Variants in TSC22D3 observed in about 807,000 individuals in gnomAD.
The protein encoded by TSC22D3 is TSC22 domain family protein 3.
TSC22D3 carries 4 observed loss-of-function variants against 11.1 expected under a neutral mutation model. The observed-to-expected ratio is 0.36, with a 90% CI of 0.18 to 0.83. The LOEUF is 0.83. TSC22D3 is among the 40% of genes least tolerant of loss of function. The probability of loss-of-function intolerance (pLI) is 0.48; values close to 1 mark genes in which losing one functional copy is unlikely to be tolerated. For synonymous variants in TSC22D3, 77 were observed against 70.3 expected, an observed-to-expected ratio of 1.10 and a Z score of -0.48; for missense variants, 118 against 159.4, an observed-to-expected ratio of 0.74 and a Z score of 1.40.
At chrX:107,722,874 G>T (rs1350805773) in intron 1 of TSC22D3, among the ~76,000 whole-genome samples, 1 of 111,892 alleles carries the variant, frequency 8.9e-6, no homozygotes, top group Non-Finnish European at 1.9e-5. Context: ...AAAGTTGTAT[G>T]CTTATTCAAA....
intron 1 of TSC22D3, among the ~76,000 whole-genome samples, chrX:107,765,376 T>C (rs1034087292): frequency 5.4e-5 from 6 of 112,047 alleles, no homozygotes; most frequent in African/African-American, 1.9e-4. Flanking sequence ...TGTTCCCCAC[T>C]GGCCTTGGGT....
chrX:107,749,606 A>G (rs1221157246), intron 1 of TSC22D3, among the ~76,000 whole-genome samples: 1 of 111,548 alleles, frequency 9.0e-6, no homozygotes, highest in African/African-American at 3.3e-5. Context: ...AAAATAGAAT[A>G]TCACATAGAA....
chrX:107,739,992 C>T (rs1230262997), intron 1 of TSC22D3, among the ~76,000 whole-genome samples: 1 of 112,426 alleles, frequency 8.9e-6, no homozygotes, highest in Non-Finnish European at 1.9e-5. Flanking sequence ...CTGCTTTGTG[C>T]AAAACGTGGC....
intron 1 of TSC22D3, among the ~76,000 whole-genome samples, chrX:107,737,771 T>C (rs1212828100): frequency 1.8e-5 from 2 of 112,031 alleles, no homozygotes; most frequent in African/African-American, 6.5e-5. Flanking sequence ...ACGTGTTTTG[T>C]GCTATCAAAG....
intron 1 of TSC22D3, 51 bp downstream of exon 1, chrX:107,775,049 G>A (rs369317975): frequency 8.4e-5 from 98 of 1,172,099 alleles, no homozygotes; most frequent in Non-Finnish European, 1.1e-4. Context: ...GGGTGCAGCA[G>A]AGGCTGGTGG....
At position 107,738,971 on chromosome X, in the gene TSC22D3, G is replaced by A. The variant is rs780565221; in HGVS notation, c.321-23021C>T. Among the ~76,000 whole-genome samples, 66 of 113,048 alleles carry A rather than the reference G, an allele frequency of 5.8e-4. 1 individual carries two copies. The highest frequency in any genetic ancestry group is 8.8e-4 in the Non-Finnish European group (47 of 53,309). ...AGGGTCCAAAGAGCTTGTGTGTACC[G>A]GACAAGCTGTTTATTGTGGTCTTGG... On this transcript the variant is annotated intron_variant, in intron 1 of 2. Coordinates refer to ENST00000372383, the MANE Select transcript of TSC22D3 (RefSeq NM_198057.3).
intron 1 of TSC22D3, among the ~76,000 whole-genome samples, chrX:107,750,083 C>A (rs1477653717): frequency 9.0e-6 from 1 of 111,281 alleles, no homozygotes; most frequent in Admixed American, 9.5e-5. Context: ...CCCAGGAGTT[C>A]GATGTTATTG....
chrX:107,749,906 G>A (rs760081377), intron 1 of TSC22D3, among the ~76,000 whole-genome samples: 2 of 111,748 alleles, frequency 1.8e-5, no homozygotes, highest in Admixed American at 9.5e-5. Flanking sequence ...CAGCTTCATC[G>A]AGTCTCCCCA....
At chrX:107,765,786 G>A (rs1379954512) in intron 1 of TSC22D3, among the ~76,000 whole-genome samples, 2 of 112,287 alleles carry the variant, frequency 1.8e-5, no homozygotes, top group Non-Finnish European at 3.8e-5. Context: ...GGAAGCCTGG[G>A]AGGAGTCCCA....
At chrX:107,771,774 A>G (rs149484345) in intron 1 of TSC22D3, among the ~76,000 whole-genome samples, 21 of 111,902 alleles carry the variant, frequency 1.9e-4, no homozygotes, top group African/African-American at 6.2e-4. Flanking sequence ...CCCCAACCCA[A>G]TTGTTTACAG....
rs1460346286 is a variant in TSC22D3, at chrX:107,772,999, C to A, written c.320+2101G>T. On this transcript the variant is annotated intron_variant, in intron 1 of 2. Coordinates refer to ENST00000372383, the MANE Select transcript of TSC22D3 (RefSeq NM_198057.3). ...GTTAGCTCCTCACTGGTTTTGAACG[C>A]TGAGTGAGTTGCTCTGATCGAAGGA... Among the ~76,000 whole-genome samples, 4 of 112,768 alleles carry A rather than the reference C, an allele frequency of 3.5e-5. No individual in the cohort carries two copies. The East Asian group carries it at 1.1e-3, about 31-fold the overall frequency.
chrX:107,715,757 C>T, intron 2 of TSC22D3, 142 bp downstream of exon 2: 1 of 695,082 alleles, frequency 1.4e-6, no homozygotes, highest in African/African-American at 2.1e-5. Context: ...CAGACTCCAC[C>T]TCCAGTGCGG....
intron 1 of TSC22D3, among the ~76,000 whole-genome samples, chrX:107,768,411 A>G (rs1403125508): frequency 8.9e-6 from 1 of 112,566 alleles, no homozygotes; most frequent in Non-Finnish European, 1.9e-5. Flanking sequence ...AAATATAAGC[A>G]GGAGTGTTAA....
chrX:107,715,091 C>G (rs1400979516), intron 2 of TSC22D3, among the ~76,000 whole-genome samples: 2 of 112,036 alleles, frequency 1.8e-5, no homozygotes, highest in Admixed American at 9.4e-5. Context: ...TGCTATGTCC[C>G]CCTTTTTACA....
intron 1 of TSC22D3, among the ~76,000 whole-genome samples, chrX:107,755,938 C>G (rs1351359398): frequency 8.9e-6 from 1 of 111,850 alleles, no homozygotes; most frequent in Non-Finnish European, 1.9e-5. Flanking sequence ...GTGCTTTCAA[C>G]CAAGGGAAAG....
chrX:107,734,878 TAAAAAAAAAAAAAAAA>T (rs781386272), intron 1 of TSC22D3, among the ~76,000 whole-genome samples: 51 of 37,281 alleles, frequency 1.4e-3, no homozygotes, highest in African/African-American at 7.2e-3. Flanking sequence ...CAACTCTACG[TAAAAAAAAAAAAAAAA>T]AAAAAAAAAA....
intron 1 of TSC22D3, among the ~76,000 whole-genome samples, chrX:107,753,735 G>T (rs922975135): frequency 9.0e-6 from 1 of 111,328 alleles, no homozygotes; most frequent in Non-Finnish European, 1.9e-5. Context: ...ATTTCTAGGT[G>T]GCTTTTCCAT....
chrX:107,720,959 A>G (rs969970245), intron 1 of TSC22D3, among the ~76,000 whole-genome samples: 1 of 111,449 alleles, frequency 9.0e-6, no homozygotes, highest in African/African-American at 3.3e-5. Flanking sequence ...GGCCCCAAAC[A>G]GGAAACAGTG....
At chrX:107,742,035 C>T (rs1320607590) in intron 1 of TSC22D3, among the ~76,000 whole-genome samples, 1 of 110,711 alleles carries the variant, frequency 9.0e-6, no homozygotes, top group Non-Finnish European at 1.9e-5. Context: ...TTCAGCCTTG[C>T]TTTGTTTTCT....
Sources: allele counts gnomAD v4.1 joint callset (sites outside exome capture counted in the v4.1 genomes callset), GRCh38; gene constraint gnomAD v4.1.1; transcripts MANE v1.5; gene names NCBI Gene and HGNC (gene_info 2026-07-23, HGNC 2026-07-21).